Variants in UXS1 observed in about 807,000 individuals in gnomAD.
UXS1 encodes UDP-glucuronic acid decarboxylase 1.
In UXS1, 33 loss-of-function variants were observed where a neutral mutation model predicts 62.6. The observed-to-expected ratio is 0.53, with a 90% CI of 0.40 to 0.70. The LOEUF (loss-of-function observed/expected upper bound fraction) is 0.70, where lower values mean the gene tolerates loss of function less well. Among genes scored for constraint, UXS1 ranks in the 30% least tolerant of loss-of-function variants. The pLI is 0.00. For synonymous variants in UXS1, 213 were observed against 206.8 expected (o/e 1.03, Z -0.26); for missense variants, 434 against 556.3 (o/e 0.78, Z 2.21).
At chr2:106,125,515 G>A in intron 8 of UXS1, 105 bp downstream of exon 8, 1 of 1,101,562 alleles carries the variant, frequency 9.1e-7, no homozygotes, top group Non-Finnish European at 1.2e-6. Context: ...AGAGGAGCAT[G>A]GGCAGGCTGG....
chr2:106,193,417 C>T (rs1336214063), intron 1 of UXS1, among the ~76,000 whole-genome samples: 1 of 152,086 alleles, frequency 6.6e-6, no homozygotes, highest in Non-Finnish European at 1.5e-5. Flanking sequence ...GGGCCGACCA[C>T]CTGCCTGCGA....
At chr2:106,099,191 T>C (rs1331690832) in intron 12 of UXS1, among the ~76,000 whole-genome samples, 1 of 152,212 alleles carries the variant, frequency 6.6e-6, no homozygotes, top group Non-Finnish European at 1.5e-5. Context: ...ATGAAGGACT[T>C]GTAATCTCAC....
At chr2:106,166,699 C>CTTTTTTT (rs10659239) in intron 1 of UXS1, among the ~76,000 whole-genome samples, 1 of 127,002 alleles carries the variant, frequency 7.9e-6, no homozygotes. Context: ...GCAGGTGAAG[C>CTTTTTTT]TTTTTTTTTT....
intron 10 of UXS1, among the ~76,000 whole-genome samples, chr2:106,106,135 T>A (rs1255438706): frequency 1.3e-5 from 2 of 152,194 alleles, no homozygotes; most frequent in East Asian, 3.9e-4. Flanking sequence ...GAGGCCGAGA[T>A]GGGCAGATCA....
At chr2:106,117,050 T>A (rs1319306629) in intron 9 of UXS1, among the ~76,000 whole-genome samples, 2 of 152,214 alleles carry the variant, frequency 1.3e-5, no homozygotes, top group East Asian at 1.9e-4. Context: ...GCAGCTGGCA[T>A]GTTCTCCTCT....
intron 4 of UXS1, among the ~76,000 whole-genome samples, chr2:106,158,919 C>T (rs11889931): frequency 0.33 from 49,852 of 152,138 alleles, 8,635 homozygotes; most frequent in Non-Finnish European, 0.38. Context: ...AGATGTCACC[C>T]GGTCCTCAGA....
At chr2:106,104,154 T>C (rs1478541820) in intron 11 of UXS1, among the ~76,000 whole-genome samples, 1 of 152,178 alleles carries the variant, frequency 6.6e-6, no homozygotes, top group Non-Finnish European at 1.5e-5. Flanking sequence ...GAATTTACAA[T>C]AGCCACATAC....
chr2:106,188,712 C>T (rs1232522751), intron 1 of UXS1, among the ~76,000 whole-genome samples: 3 of 152,200 alleles, frequency 2.0e-5, no homozygotes, highest in Non-Finnish European at 4.4e-5. Flanking sequence ...AAGGCCCCAA[C>T]AAGGAAAGGT....
intron 12 of UXS1, 44 bp downstream of exon 12, chr2:106,101,014 A>C (rs1391097175): frequency 6.2e-7 from 1 of 1,612,218 alleles, no homozygotes; most frequent in African/African-American, 1.3e-5. Flanking sequence ...CAAATGAACG[A>C]AAGTCTGAGC....
intron 9 of UXS1, among the ~76,000 whole-genome samples, chr2:106,120,338 C>T (rs932876923): frequency 1.3e-5 from 2 of 152,166 alleles, no homozygotes; most frequent in African/African-American, 2.4e-5. Flanking sequence ...CTGTCTGCCT[C>T]GCAGCCACCA....
intron 1 of UXS1, among the ~76,000 whole-genome samples, chr2:106,183,250 A>G (rs1684358024): frequency 1.3e-5 from 2 of 151,708 alleles, no homozygotes. Context: ...TAAAAAAAAA[A>G]AAAAAAAAAA....
intron 13 of UXS1, 127 bp from the exon 14 acceptor site, chr2:106,096,948 TTC>T (rs1168445353): frequency 1.1e-6 from 1 of 944,412 alleles, no homozygotes; most frequent in African/African-American, 1.6e-5. Context: ...GGAAATGCAG[TTC>T]TCTGAGAAGC....
intron 11 of UXS1, chr2:106,101,360 T>C (rs1265497644): frequency 8.4e-6 from 4 of 477,148 alleles, no homozygotes; most frequent in South Asian, 3.2e-5. Flanking sequence ...GTGGTGGAGA[T>C]AGTTAAATAG....
chr2:106,190,319 C>G (rs1684834139), intron 1 of UXS1, among the ~76,000 whole-genome samples: 1 of 152,044 alleles, frequency 6.6e-6, no homozygotes, highest in African/African-American at 2.4e-5. Flanking sequence ...AGAGCATGTA[C>G]AGGGGCAAAG....
In UXS1 at chr2:106,094,001, G is replaced by A. The variant is rs1294329662; in HGVS notation, c.*25C>T. 1 of 1,591,612 alleles carries A rather than the reference G, an allele frequency of 6.3e-7. No homozygotes were observed. The highest frequency in any genetic ancestry group is 1.1e-5 in the South Asian group (1 of 87,040). ...ACATCCCATCAAGTGTACAATGGTA[G>A]TCTTGTGTCCTAAAAGTGAGGAGTT... On this transcript the variant is annotated 3_prime_UTR_variant, in exon 15 of 15. Transcript: ENST00000283148.
intron 1 of UXS1, 172 bp from the exon 2 acceptor site, chr2:106,166,255 T>C (rs1158734275): frequency 2.1e-5 from 14 of 664,120 alleles, no homozygotes; most frequent in Non-Finnish European, 3.2e-5. Context: ...TACTACAAAA[T>C]AAGTAAAAAC....
chr2:106,119,707 C>T (rs1573444907), intron 9 of UXS1, among the ~76,000 whole-genome samples: 1 of 152,034 alleles, frequency 6.6e-6, no homozygotes, highest in Non-Finnish European at 1.5e-5. Context: ...AGTGATTTGC[C>T]CCAGATCAAG....
intron 1 of UXS1, among the ~76,000 whole-genome samples, chr2:106,178,649 T>C (rs1212507278): frequency 1.3e-5 from 2 of 152,186 alleles, no homozygotes; most frequent in Admixed American, 6.5e-5. Context: ...TGTGTGTATA[T>C]ATAGCAGCTC....
chr2:106,168,615 C>T (rs1683355261), intron 1 of UXS1, among the ~76,000 whole-genome samples: 1 of 152,176 alleles, frequency 6.6e-6, no homozygotes, highest in South Asian at 2.1e-4. Flanking sequence ...TGTGATTTTG[C>T]TTTTATCTTA....
Sources: allele counts gnomAD v4.1 joint callset (sites outside exome capture counted in the v4.1 genomes callset), GRCh38; gene constraint gnomAD v4.1.1; transcripts MANE v1.5; gene names NCBI Gene and HGNC (gene_info 2026-07-23, HGNC 2026-07-21).